Variants in RIPOR2 observed in about 807,000 individuals in gnomAD.
RIPOR2 encodes the protein rho family-interacting cell polarization regulator 2.
In RIPOR2, 39 loss-of-function variants were observed where a neutral mutation model predicts 114.5. The ratio of observed to expected loss-of-function variants is 0.34; its 90% confidence interval spans 0.26 to 0.44. RIPOR2 has a LOEUF of 0.44. Ranked by LOEUF, RIPOR2 falls within the 20% of genes least tolerant of loss-of-function variation. The probability of loss-of-function intolerance (pLI) is 1.00; values close to 1 mark genes in which losing one functional copy is unlikely to be tolerated. For missense variants in RIPOR2, 1,007 were observed against 1,255.1 expected (o/e 0.80, Z 2.99); for synonymous variants, 445 against 484.4 (o/e 0.92, Z 1.07).
chr6:24,859,014 T>C (rs1021317004), intron 8 of RIPOR2, among the ~76,000 whole-genome samples: 1 of 152,310 alleles, frequency 6.6e-6, no homozygotes, highest in South Asian at 2.1e-4. Flanking sequence ...TTATATTGTC[T>C]GCTCAGCTCT....
chr6:24,853,572 G>A (rs149652795), intron 8 of RIPOR2, among the ~76,000 whole-genome samples: 24 of 152,292 alleles, frequency 1.6e-4, no homozygotes, highest in Admixed American at 5.9e-4. Flanking sequence ...GCAGTAAGAT[G>A]GAGTTACACC....
chr6:25,013,209 T>TC (rs1286952003), intron 1 of RIPOR2, among the ~76,000 whole-genome samples: 1 of 152,200 alleles, frequency 6.6e-6, no homozygotes, highest in African/African-American at 2.4e-5. Flanking sequence ...AGCATGGATC[T>TC]CCCCAAAGAA....
rs1286179764 is a variant in RIPOR2, at chr6:24,880,065, G to A, written c.62-4248C>T. Among the ~76,000 whole-genome samples the A allele has an allele frequency of 2.0e-5, 3 of 152,196 alleles. No homozygotes were observed. The South Asian group carries it at 6.2e-4, about 31-fold the overall frequency. Reference sequence around the variant, plus strand: ...GATGTAAAATGGAATTAAAATTTTGGAGAACAATTTGGCAGTATCTGTTTA... The same window carrying A: ...GATGTAAAATGGAATTAAAATTTTGAAGAACAATTTGGCAGTATCTGTTTA... On this transcript the variant is annotated intron_variant, in intron 1 of 21. Transcript: ENST00000643898.
chr6:24,818,722 TA>T (rs1289265844), intron 19 of RIPOR2, 97 bp from the exon 20 acceptor site: 6 of 598,498 alleles, frequency 1.0e-5, no homozygotes, highest in Non-Finnish European at 1.1e-5. Flanking sequence ...CTATAGCATA[TA>T]ACCTACACAT....
At chr6:24,914,161 G>A (rs1016264180) in intron 1 of RIPOR2, among the ~76,000 whole-genome samples, 1 of 151,946 alleles carries the variant, frequency 6.6e-6, no homozygotes, top group Non-Finnish European at 1.5e-5. Flanking sequence ...ATGGCGAAAC[G>A]CTGTCTCTAT....
intron 1 of RIPOR2, among the ~76,000 whole-genome samples, chr6:24,927,031 T>C (rs1182349292): frequency 0.011 from 7 of 624 alleles, no homozygotes; most frequent in Non-Finnish European, 9.8e-3. Context: ...ACCATGATTA[T>C]TATAATCATC....
intron 11 of RIPOR2, among the ~76,000 whole-genome samples, 164 bp downstream of exon 11, chr6:24,849,638 C>A (rs1681995015): frequency 6.6e-6 from 1 of 152,138 alleles, no homozygotes; most frequent in African/African-American, 2.4e-5. Context: ...TAAACAGATT[C>A]TGGGGCCTGA....
intron 17 of RIPOR2, among the ~76,000 whole-genome samples, chr6:24,829,362 G>T (rs1374156499): frequency 1.3e-5 from 2 of 151,960 alleles, no homozygotes; most frequent in Non-Finnish European, 2.9e-5. Flanking sequence ...CCAGTGTAGT[G>T]GCTCACAACT....
chr6:24,975,611 A>G (rs1446881968), intron 1 of RIPOR2, among the ~76,000 whole-genome samples: 1 of 152,178 alleles, frequency 6.6e-6, no homozygotes, highest in Non-Finnish European at 1.5e-5. Context: ...TCAACCCAGG[A>G]GTTTAAGCCC....
chr6:24,841,824 C>T (rs1761751211), intron 13 of RIPOR2, among the ~76,000 whole-genome samples: 2 of 151,810 alleles, frequency 1.3e-5, no homozygotes, highest in Admixed American at 1.3e-4. Flanking sequence ...CATCATGTTG[C>T]CCGGTCTGGT....
chr6:25,042,118 T>C, upstream of RIPOR2: 1 of 501,988 alleles, frequency 2.0e-6, no homozygotes, highest in Non-Finnish European at 3.5e-6. Flanking sequence ...GTAACTTGCC[T>C]TGCCTTTCCT....
At chr6:25,023,001 T>C (rs1294608664) in intron 1 of RIPOR2, among the ~76,000 whole-genome samples, 1 of 151,980 alleles carries the variant, frequency 6.6e-6, no homozygotes, top group Non-Finnish European at 1.5e-5. Context: ...CAGTCAATTT[T>C]TTTTTTTACT....
At chr6:24,916,870 G>A (rs903991609) in intron 1 of RIPOR2, among the ~76,000 whole-genome samples, 1 of 152,078 alleles carries the variant, frequency 6.6e-6, no homozygotes, top group Non-Finnish European at 1.5e-5. Flanking sequence ...CCCTGTACTT[G>A]GGCAAATTAT....
intron 1 of RIPOR2, among the ~76,000 whole-genome samples, chr6:25,013,218 A>C (rs2113683306): frequency 6.6e-6 from 1 of 152,222 alleles, no homozygotes; most frequent in Non-Finnish European, 1.5e-5. Flanking sequence ...CTCCCCAAAG[A>C]AGCTCTAACG....
intron 1 of RIPOR2, among the ~76,000 whole-genome samples, chr6:24,976,126 A>T (rs1477246500): frequency 6.6e-6 from 1 of 152,206 alleles, no homozygotes. Flanking sequence ...ATAATTTTTA[A>T]AATTCATCCT....
At chr6:24,832,153 G>T in intron 16 of RIPOR2, 103 bp downstream of exon 16, 1 of 1,151,940 alleles carries the variant, frequency 8.7e-7, no homozygotes, top group Non-Finnish European at 1.2e-6. Flanking sequence ...ACCTAAGAAT[G>T]CTTTTCTGTT....
At chr6:24,876,632 G>A (rs1196672485) in intron 1 of RIPOR2, among the ~76,000 whole-genome samples, 1 of 152,186 alleles carries the variant, frequency 6.6e-6, no homozygotes, top group Non-Finnish European at 1.5e-5. Flanking sequence ...TATTCTGAAA[G>A]CTAAGATTGT....
chr6:24,823,977 A>G (rs1418266856), intron 19 of RIPOR2, among the ~76,000 whole-genome samples: 1 of 152,044 alleles, frequency 6.6e-6, no homozygotes, highest in Non-Finnish European at 1.5e-5. Flanking sequence ...GGCTGGTCTC[A>G]AACTCCTGAC....
At chr6:24,866,040 G>A (rs992420747) in intron 6 of RIPOR2, among the ~76,000 whole-genome samples, 29 of 152,036 alleles carry the variant, frequency 1.9e-4, no homozygotes, top group African/African-American at 6.8e-4. Flanking sequence ...TCCAGATTTA[G>A]TATTTCATAA....
Sources: allele counts gnomAD v4.1 joint callset (sites outside exome capture counted in the v4.1 genomes callset), GRCh38; gene constraint gnomAD v4.1.1; transcripts MANE v1.5; gene names NCBI Gene and HGNC (gene_info 2026-07-23, HGNC 2026-07-21).